SLC18A1: variants seen among roughly 807,000 people sequenced by gnomAD.
SLC18A1 encodes the protein chromaffin granule amine transporter.
A neutral mutation model predicts 53.7 loss-of-function variants in SLC18A1; 69 were observed. The ratio of observed to expected loss-of-function variants is 1.28; its 90% confidence interval spans 1.06 to 1.57. The LOEUF is 1.57. Among genes scored for constraint, SLC18A1 ranks in the 40% most tolerant of loss-of-function variants. The pLI, the probability that SLC18A1 is intolerant of heterozygous loss-of-function variation, is 0.00. For synonymous variants in SLC18A1, 320 were observed against 248.1 expected (o/e 1.29, Z -2.72); for missense variants, 932 against 668.1 (o/e 1.40, Z -4.35).
At position 20,180,948 on chromosome 8, in the gene SLC18A1, A is replaced by C; in HGVS notation, c.17T>G (p.Leu6Arg). MLRTI[L>R]DAPQRLLKEG... Reference sequence around the variant, plus strand: ...CTTCAGCAACCGCTGGGGAGCATCCAGAATGGTCCGGAGCATGGTGATGGC... The same window carrying C: ...CTTCAGCAACCGCTGGGGAGCATCCCGAATGGTCCGGAGCATGGTGATGGC... The change falls in exon 2 of 16, where the codon CTG (leucine) becomes CGG (arginine). Residue 6 changes from leucine to arginine, a missense_variant. Transcript: ENST00000276373. The C allele has an allele frequency of 6.3e-7, 1 of 1,585,032 alleles. No individual in the cohort carries two copies. Among genetic ancestry groups the C allele is most frequent in the Non-Finnish European group, 8.6e-7 (1 of 1,166,306 alleles).
At chr8:20,178,587 G>A (rs2072314716) in intron 3 of SLC18A1, 94 bp from the exon 4 acceptor site, 1 of 871,330 alleles carries the variant, frequency 1.1e-6, no homozygotes, top group Non-Finnish European at 1.8e-6. Flanking sequence ...CAGAAATGCA[G>A]CTATTTGGGT....
In SLC18A1 at chr8:20,145,421, T is replaced by C. The variant is rs917454362; in HGVS notation, c.*342A>G. The stretch of plus-strand genomic sequence containing the variant: ...TAAAGAGGCTTGTCAGTCACCCCAC[T>C]GGTTTCAGGGGCACATTACTCACTA... On this transcript the variant is annotated 3_prime_UTR_variant, in exon 16 of 16. Transcript: ENST00000276373. The C allele has an allele frequency of 5.7e-6, 1 of 174,320 alleles. No homozygotes were observed. Among genetic ancestry groups the C allele is most frequent in the Non-Finnish European group, 1.2e-5 (1 of 82,900 alleles). 10.8% of individuals were successfully genotyped at this position (174,320 alleles called of 1,614,324 possible).
chr8:20,153,775 T>C (rs578071521), intron 10 of SLC18A1, among the ~76,000 whole-genome samples: 60 of 152,208 alleles, frequency 3.9e-4, no homozygotes, highest in Non-Finnish European at 7.5e-4. Flanking sequence ...ATGGGACTAT[T>C]AGAACACCTG....
chr8:20,174,414 A>G lies in SLC18A1; in HGVS notation c.578T>C (p.Leu193Pro). 1 of 1,614,048 alleles carries G rather than the reference A, an allele frequency of 6.2e-7. No individual in the cohort carries two copies. ...GCCTTGAAGGGTTCGGGCCACAAAGAGTAGAGTATAGGTCCCAGAAAAAGC... is the reference window on the plus strand; with the variant it reads ...GCCTTGAAGGGTTCGGGCCACAAAGGGTAGAGTATAGGTCCCAGAAAAAGC... ...MFAFSGTYTL[L>P]FVARTLQGIG... Residue 193 changes from leucine to proline, a missense_variant, in exon 5 of 16, where the codon CTC (leucine) becomes CCC (proline). Leu to Pro is a moderately conservative substitution (Grantham distance 98). Coordinates refer to ENST00000276373, the MANE Select transcript of SLC18A1 (RefSeq NM_003053.4).
chr8:20,178,072 T>A (rs74622648), intron 4 of SLC18A1, among the ~76,000 whole-genome samples: 11,313 of 151,886 alleles, frequency 0.074, 571 homozygotes, highest in Middle Eastern at 0.17. Flanking sequence ...TTGCTTCTCA[T>A]AGATGGAAAG....
chr8:20,148,102 C>A (rs1422042715), intron 12 of SLC18A1, 32 bp from the exon 13 acceptor site: 2 of 1,603,920 alleles, frequency 1.2e-6, no homozygotes. Context: ...GTCATCAGGA[C>A]TCCAGATGGG....
At chr8:20,156,723 T>G (rs1257847776) in intron 10 of SLC18A1, among the ~76,000 whole-genome samples, 1 of 152,218 alleles carries the variant, frequency 6.6e-6, no homozygotes, top group African/African-American at 2.4e-5. Flanking sequence ...AAGGACTTAA[T>G]CCGGGGCAAC....
In SLC18A1 at chr8:20,148,052, T is replaced by G; in HGVS notation, c.1165A>C (p.Ile389Leu). ...GCATTGGGGCCAATGAGACCAAAAA[T>G]ATTGTGAGCCAGAGGAACCTGCATG... is the stretch of plus-strand genomic sequence containing the variant. ...SLLCVPLAHN[I>L]FGLIGPNAGL... The change falls in exon 13 of 16, where the codon ATT becomes CTT. Residue 389 changes from isoleucine to leucine, a missense_variant. Physicochemically the swap from Ile to Leu is conservative, Grantham distance 5 (BLOSUM62 2). Transcript: ENST00000276373. 6.2e-7 allele frequency: 1 copy of G among 1,614,014 alleles called. No homozygotes were observed. Among genetic ancestry groups the G allele is most frequent in the Non-Finnish European group, 8.5e-7 (1 of 1,179,984 alleles).
intron 10 of SLC18A1, among the ~76,000 whole-genome samples, chr8:20,161,210 G>A (rs1405581201): frequency 1.3e-5 from 2 of 152,156 alleles, no homozygotes; most frequent in African/African-American, 2.4e-5. Flanking sequence ...AGTTATGGGT[G>A]AGATTCAAGG....
At chr8:20,170,129 C>G (rs377241090) in intron 8 of SLC18A1, among the ~76,000 whole-genome samples, 126 of 152,254 alleles carry the variant, frequency 8.3e-4, no homozygotes, top group South Asian at 5.0e-3. Flanking sequence ...TATGACTTCC[C>G]TCTCCAGGAC....
At chr8:20,167,008 C>A (rs1040048235) in intron 8 of SLC18A1, among the ~76,000 whole-genome samples, 1 of 152,048 alleles carries the variant, frequency 6.6e-6, no homozygotes, top group African/African-American at 2.4e-5. Context: ...GACGTTCAGC[C>A]TCCAGAGTCG....
intron 15 of SLC18A1, among the ~76,000 whole-genome samples, chr8:20,146,649 C>A (rs2071407312): frequency 6.6e-6 from 1 of 151,838 alleles, no homozygotes. Flanking sequence ...ATGGATAAAC[C>A]CCATCTCTAC....
At chr8:20,147,981 T>C (rs1467329085) in intron 13 of SLC18A1, 26 bp downstream of exon 13, 5 of 1,611,714 alleles carry the variant, frequency 3.1e-6, no homozygotes, top group Non-Finnish European at 4.2e-6. Flanking sequence ...CAGGGGCTTA[T>C]TGTTTTCTTT....
chr8:20,165,159 C>T (rs1233998452), intron 8 of SLC18A1, 52 bp from the exon 9 acceptor site: 11 of 1,454,640 alleles, frequency 7.6e-6, no homozygotes, highest in African/African-American at 1.4e-5. Context: ...ATACATCTCT[C>T]CTATTTTCAC....
At chr8:20,167,944 A>C (rs973922540) in intron 8 of SLC18A1, among the ~76,000 whole-genome samples, 2 of 151,980 alleles carry the variant, frequency 1.3e-5, no homozygotes, top group Admixed American at 1.3e-4. Flanking sequence ...TCTAAACACC[A>C]TTCCCTACTA....
chr8:20,163,530 C>G (rs570150772), intron 10 of SLC18A1, among the ~76,000 whole-genome samples: 104 of 152,220 alleles, frequency 6.8e-4, no homozygotes, highest in African/African-American at 2.4e-3. Context: ...CAGAGGCAGA[C>G]TACACATTAC....
At position 20,145,517 on chromosome 8, in the gene SLC18A1, G is replaced by T; in HGVS notation, c.*246C>A. On this transcript the variant is annotated 3_prime_UTR_variant, in exon 16 of 16. Transcript: ENST00000276373. ...CAAGTTTAATCAACCTCACAGCAGC[G>T]GGAAGGTGCATCACTCTGTCTTCCC... 2 of 333,456 alleles carry T rather than the reference G, an allele frequency of 6.0e-6. No homozygotes were observed. The highest frequency in any genetic ancestry group is 1.1e-5 in the Non-Finnish European group (2 of 183,402). The allele number at this position is 333,456 out of a possible 1,614,324, so 20.7% of individuals were successfully genotyped here.
chr8:20,147,792 A>G, intron 13 of SLC18A1, 70 bp from the exon 14 acceptor site: 2 of 1,581,316 alleles, frequency 1.3e-6, no homozygotes, highest in East Asian at 2.3e-5. Context: ...CTCCTCCTCC[A>G]TTTAGTCCAT....
intron 10 of SLC18A1, among the ~76,000 whole-genome samples, chr8:20,154,644 A>T (rs2071637893): frequency 6.6e-6 from 1 of 152,224 alleles, no homozygotes; most frequent in Non-Finnish European, 1.5e-5. Context: ...ATGTTCAGAG[A>T]AAAGGATGAG....
Sources: allele counts gnomAD v4.1 joint callset (sites outside exome capture counted in the v4.1 genomes callset), GRCh38; gene constraint gnomAD v4.1.1; transcripts MANE v1.5; gene names NCBI Gene and HGNC (gene_info 2026-07-23, HGNC 2026-07-21).